The following CPLANE1 variants were observed in gnomAD, a reference collection of about 807,000 sequenced individuals.
CPLANE1 encodes ciliogenesis and planar polarity effector 1.
CPLANE1 carries 263 observed loss-of-function variants against 362.5 expected under a neutral mutation model. The ratio of observed to expected loss-of-function variants is 0.73; its 90% CI spans 0.66 to 0.80. CPLANE1 has a LOEUF of 0.80. CPLANE1 is among the 30% of genes least tolerant of loss of function. The probability of loss-of-function intolerance (pLI) is 0.00; values close to 1 mark genes in which losing one functional copy is unlikely to be tolerated. For synonymous variants in CPLANE1, 1,212 were observed against 1,302.6 expected, an observed-to-expected ratio of 0.93 and a Z score of 1.50; for missense variants, 3,461 against 3,793.4, an observed-to-expected ratio of 0.91 and a Z score of 2.30.
intron 13 of CPLANE1, 41 bp from the exon 14 acceptor site, chr5:37,224,374 A>G: frequency 7.2e-7 from 1 of 1,395,380 alleles, no homozygotes; most frequent in South Asian, 1.3e-5. Flanking sequence ...AGTTAATTAT[A>G]TTACTTCATA....
chr5:37,212,938 G>A (rs1380727690), intron 16 of CPLANE1, among the ~76,000 whole-genome samples: 1 of 152,220 alleles, frequency 6.6e-6, no homozygotes, highest in Non-Finnish European at 1.5e-5. Flanking sequence ...ATTTGGCCGG[G>A]CACGTGGCGC....
chr5:37,225,320 T>C (rs925944442), intron 12 of CPLANE1, among the ~76,000 whole-genome samples: 1 of 151,644 alleles, frequency 6.6e-6, no homozygotes. Flanking sequence ...AGTGGCGTGA[T>C]ATCTGCTCAA....
At chr5:37,104,924 T>C (rs1323648999), downstream of CPLANE1, among the ~76,000 whole-genome samples, 1 of 151,974 alleles carries the variant, frequency 6.6e-6, no homozygotes, top group Non-Finnish European at 1.5e-5. Flanking sequence ...ATTCCATCTC[T>C]CCATGTGTTA....
chr5:37,238,813 T>G, intron 8 of CPLANE1, 44 bp downstream of exon 8: 1 of 1,199,032 alleles, frequency 8.3e-7, no homozygotes, highest in Non-Finnish European at 1.2e-6. Flanking sequence ...CCCATCTCTT[T>G]TAAAAGAAAA....
chr5:37,184,308 A>T (rs1282353690), intron 25 of CPLANE1, among the ~76,000 whole-genome samples: 1 of 152,154 alleles, frequency 6.6e-6, no homozygotes, highest in Non-Finnish European at 1.5e-5. Flanking sequence ...ACAGATCCTT[A>T]GTTCCCTCAG....
intron 41 of CPLANE1, among the ~76,000 whole-genome samples, chr5:37,156,116 C>A (rs1024200720): frequency 6.6e-6 from 1 of 152,230 alleles, no homozygotes; most frequent in Non-Finnish European, 1.5e-5. Context: ...CCTGAGTGCC[C>A]ACTGTCATTA....
At chr5:37,197,769 C>CTAATTACT (rs1451374494) in intron 20 of CPLANE1, among the ~76,000 whole-genome samples, 1 of 152,088 alleles carries the variant, frequency 6.6e-6, no homozygotes, top group African/African-American at 2.4e-5. Context: ...TAAAAGTGTA[C>CTAATTACT]AATTAGTGGT....
chr5:37,180,773 C>A, intron 27 of CPLANE1, 84 bp downstream of exon 27: 1 of 1,329,766 alleles, frequency 7.5e-7, no homozygotes, highest in Non-Finnish European at 1.1e-6. Context: ...CTTTAACTTT[C>A]AAGGGTTTGA....
chr5:37,184,479 G>A (rs572076325), intron 25 of CPLANE1, among the ~76,000 whole-genome samples: 44 of 152,020 alleles, frequency 2.9e-4, no homozygotes, highest in Non-Finnish European at 4.4e-4. Context: ...AACTATTTAA[G>A]TCTAAAGATT....
intron 12 of CPLANE1, 78 bp downstream of exon 12, chr5:37,226,226 G>A: frequency 4.5e-6 from 4 of 888,516 alleles, no homozygotes; most frequent in Non-Finnish European, 6.6e-6. Context: ...TTTACAATAT[G>A]GGAATTGTAG....
rs767698273 is a variant in CPLANE1 at position 37,201,765 on chromosome 5, T to C, written c.3333A>G (p.Val1111=). 5.6e-6 allele frequency: 9 copies of C among 1,614,088 alleles called. No individual in the cohort carries two copies. Among genetic ancestry groups the C allele is most frequent in the Middle Eastern group, 1.6e-4 (1 of 6,062 alleles). ...EEDANLLFGS[V]QEVLKASVMA... is the part of the protein sequence containing the mutation. ...TAACTGATGCTTTCAGTACTTCTTG[T>C]ACTGAACCAAATAGCAGATTTGCAT... Residue 1111 remains valine (V), a synonymous_variant, in exon 19 of 53, where the codon GTA becomes GTG. Transcript: ENST00000651892.
intron 46 of CPLANE1, among the ~76,000 whole-genome samples, chr5:37,135,517 A>G (rs751940974): frequency 6.6e-6 from 1 of 152,150 alleles, no homozygotes; most frequent in Non-Finnish European, 1.5e-5. Flanking sequence ...ATGAGTGCCC[A>G]GCAAAAGGGG....
chr5:37,154,768 T>A (rs1013014738), intron 41 of CPLANE1, among the ~76,000 whole-genome samples: 5 of 152,144 alleles, frequency 3.3e-5, no homozygotes, highest in Admixed American at 2.6e-4. Context: ...CTGAGTTATG[T>A]CATTGATGAA....
At chr5:37,082,546 CT>C in the CPLANE1 span, among the ~76,000 whole-genome samples, 2 of 152,100 alleles carry the variant, frequency 1.3e-5, no homozygotes, top group South Asian at 4.1e-4. Flanking sequence ...TAACAGTCAA[CT>C]AATTTTCAAC....
the CPLANE1 span, among the ~76,000 whole-genome samples, chr5:37,077,606 C>CTTTT: frequency 3.4e-4 from 26 of 75,906 alleles, no homozygotes; most frequent in Admixed American, 5.6e-4. Context: ...GTGTGTGTGT[C>CTTTT]TTTTTTTTTT....
Position 37,221,291 on chromosome 5 carries a change from T to C in CPLANE1, c.2746+33A>G, listed in dbSNP as rs2150359772. ...AACATAGGGAGACCCTGTCTCTTTT[T>C]AAAAATACAAAGAAAGAAAAAAAAA... On this transcript the variant is annotated intron_variant, in intron 15 of 52. Coordinates refer to ENST00000651892, the MANE Select transcript of CPLANE1 (RefSeq NM_001384732.1). 8 of 1,421,300 alleles carry C rather than the reference T, an allele frequency of 5.6e-6. No homozygotes were observed. In the South Asian group the frequency reaches 1.2e-4, roughly 22 times the overall value. The allele number at this position is 1,421,300 out of a possible 1,614,324, so 88.0% of individuals were successfully genotyped here. A position where few individuals can be genotyped will look rare whatever the true frequency, so the allele number is the denominator to read the frequency against.
the CPLANE1 span, among the ~76,000 whole-genome samples, chr5:37,100,716 T>G: frequency 6.6e-6 from 1 of 152,230 alleles, no homozygotes; most frequent in Non-Finnish European, 1.5e-5. Context: ...GTATGGCTAC[T>G]TCCATGATAT....
At chr5:37,138,564 G>A in intron 46 of CPLANE1, 156 bp downstream of exon 46, 1 of 812,414 alleles carries the variant, frequency 1.2e-6, no homozygotes, top group Non-Finnish European at 2.1e-6. Context: ...AGAGAAAAGG[G>A]AAGAATGACA....
downstream of CPLANE1, among the ~76,000 whole-genome samples, chr5:37,103,064 G>A (rs180919356): frequency 5.3e-5 from 8 of 152,288 alleles, no homozygotes; most frequent in African/African-American, 1.2e-4. Flanking sequence ...TTATGAATCT[G>A]AGTGCTCCTA....
Sources: allele counts gnomAD v4.1 joint callset (sites outside exome capture counted in the v4.1 genomes callset), GRCh38; gene constraint gnomAD v4.1.1; transcripts MANE v1.5; gene names NCBI Gene and HGNC (gene_info 2026-07-23, HGNC 2026-07-21).